The following KCTD5 variants were observed in gnomAD, a reference collection of about 807,000 sequenced individuals.
KCTD5 encodes potassium channel tetramerization domain containing 5, also known as BTB/POZ domain-containing protein KCTD5.
KCTD5 carries 12 observed loss-of-function variants against 27.9 expected under a neutral mutation model. The ratio of observed to expected loss-of-function variants is 0.43; its 90% CI spans 0.28 to 0.70. The LOEUF (loss-of-function observed/expected upper bound fraction) is 0.70, where lower values mean the gene tolerates loss of function less well. Among genes scored for constraint, KCTD5 ranks in the 30% least tolerant of loss-of-function variants. The pLI is 0.19. For synonymous variants in KCTD5, 147 were observed against 121.4 expected, an observed-to-expected ratio of 1.21 and a Z score of -1.39; for missense variants, 226 against 274.8, an observed-to-expected ratio of 0.82 and a Z score of 1.26.
At chr16:2,698,103 G>C in intron 3 of KCTD5, 106 bp downstream of exon 3, 2 of 754,858 alleles carry the variant, frequency 2.6e-6, no homozygotes, top group Non-Finnish European at 4.5e-6. Flanking sequence ...GCGGTCTGGG[G>C]CTCTCCTACC....
intron 5 of KCTD5, among the ~76,000 whole-genome samples, chr16:2,705,832 G>C (rs150934849): frequency 1.3e-5 from 2 of 152,158 alleles, no homozygotes; most frequent in African/African-American, 4.8e-5. Context: ...TGCTGCTCCC[G>C]GCCTTGGGAG....
intron 3 of KCTD5, 40 bp downstream of exon 3, chr16:2,698,037 T>C: frequency 6.8e-7 from 1 of 1,472,474 alleles, no homozygotes; most frequent in Non-Finnish European, 9.5e-7. Context: ...GTATGGCTGG[T>C]GTGAAGGAAG....
intron 1 of KCTD5, among the ~76,000 whole-genome samples, chr16:2,690,307 C>T (rs1266399209): frequency 6.6e-6 from 1 of 152,218 alleles, no homozygotes; most frequent in Non-Finnish European, 1.5e-5. Context: ...GCCAGGGTCG[C>T]CCTCTCCTCT....
chr16:2,704,383 GT>G (rs1346062981), intron 5 of KCTD5, among the ~76,000 whole-genome samples: 1 of 152,210 alleles, frequency 6.6e-6, no homozygotes, highest in Non-Finnish European at 1.5e-5. Context: ...CTGGGCAGCT[GT>G]CCCCCACTTC....
At position 2,702,364 on chromosome 16, in the gene KCTD5, C is replaced by T. The variant is rs118149302; in HGVS notation, c.561C>T (p.Ile187=). 11,046 of 1,613,460 alleles carry T rather than the reference C, an allele frequency of 6.8e-3. 51 individuals are homozygous for T. The highest frequency in any genetic ancestry group is 9.7e-3 in the Middle Eastern group (59 of 6,060). Residue 187 remains isoleucine (I), a synonymous_variant, in exon 5 of 6, where the codon ATC becomes ATT. Coordinates refer to ENST00000301738, the MANE Select transcript of KCTD5 (RefSeq NM_018992.4). ...DGWKFEQLVS[I]GSSYNYGNED... ...ATGTCTCCTTGCAGTTGGTCAGCAT[C>T]GGCTCCTCTTACAACTATGGGAACG...
intron 5 of KCTD5, among the ~76,000 whole-genome samples, chr16:2,705,679 G>C (rs888307321): frequency 6.6e-6 from 1 of 152,196 alleles, no homozygotes; most frequent in Non-Finnish European, 1.5e-5. Context: ...CTGCCTGCCT[G>C]TGGGGGTGTC....
chr16:2,689,904 C>T (rs561923629), intron 1 of KCTD5, among the ~76,000 whole-genome samples: 1 of 152,190 alleles, frequency 6.6e-6, no homozygotes, highest in South Asian at 2.1e-4. Flanking sequence ...TTGAACTCCT[C>T]ACCTCAGGTA....
chr16:2,682,777 G>C lies in KCTD5; in HGVS notation c.229G>C (p.Asp77His). 1 of 1,600,666 alleles carries C rather than the reference G, an allele frequency of 6.2e-7. No homozygotes were observed. Among genetic ancestry groups the C allele is most frequent in the Non-Finnish European group, 8.5e-7 (1 of 1,174,678 alleles). ...KSFLYRLCQA[D>H]PDLDSDKDET... ...CTTCCTGTACCGCTTATGCCAGGCC[G>C]ATCCCGACCTGGACTCAGACAAGGT... The change falls in exon 1 of 6, where the codon GAT (aspartate) becomes CAT (histidine). Residue 77 changes from aspartate to histidine, a missense_variant. Physicochemically the swap from Asp to His is moderately conservative, Grantham distance 81 (BLOSUM62 -1). This residue lies in a region of KCTD5 where 135 missense variants were observed against 207.0 expected (regional missense o/e 0.65). Coordinates refer to ENST00000301738, the MANE Select transcript of KCTD5 (RefSeq NM_018992.4).
At position 2,697,937 on chromosome 16, in the gene KCTD5, C is replaced by A; in HGVS notation, c.393C>A (p.Ile131=). The change falls in exon 3 of 6, where the codon ATC becomes ATA. Residue 131 remains isoleucine, a synonymous_variant. Coordinates refer to ENST00000301738, the MANE Select transcript of KCTD5 (RefSeq NM_018992.4). ...GVLEEAEFYN[I]TSLIKLVKDK... ...TGGAGGAAGCAGAATTTTACAATAT[C>A]ACCTCATTAATAAAACTTGTAAAGG... The A allele has an allele frequency of 1.2e-6, 2 of 1,611,052 alleles. No homozygotes were observed. The highest frequency in any genetic ancestry group is 1.7e-6 in the Non-Finnish European group (2 of 1,177,410).
chr16:2,700,028 T>C, intron 4 of KCTD5, 112 bp downstream of exon 4: 1 of 992,842 alleles, frequency 1.0e-6, no homozygotes. Context: ...GGCGTCTTCC[T>C]GCAGTTCTGG....
chr16:2,706,946 T>C, intron 5 of KCTD5, among the ~76,000 whole-genome samples: 1 of 135,540 alleles, frequency 7.4e-6, no homozygotes, highest in East Asian at 2.3e-4. Context: ...GAGACTTAAT[T>C]GGGGAGGGGG....
rs529260044 is a variant in KCTD5, at chr16:2,705,336, G to C, written c.676-1962G>C. Reference sequence around the variant, plus strand: ...AGATCCTCAGTAGCACTGTCTTGGTGGTGGGGCTGTTGCTGTGAGGCAGAT... The same window carrying C: ...AGATCCTCAGTAGCACTGTCTTGGTCGTGGGGCTGTTGCTGTGAGGCAGAT... On this transcript the variant is annotated intron_variant, in intron 5 of 5. Transcript: ENST00000301738. 7.9e-5 allele frequency among the ~76,000 whole-genome samples: 12 copies of C among 152,330 alleles called. No homozygotes were observed. The South Asian group carries it at 1.9e-3, about 24-fold the overall frequency.
intron 5 of KCTD5, among the ~76,000 whole-genome samples, chr16:2,704,713 C>T (rs1303046519): frequency 6.6e-6 from 1 of 152,208 alleles, no homozygotes; most frequent in Non-Finnish European, 1.5e-5. Flanking sequence ...TGGGTGCATC[C>T]ACCGCCTGCC....
At chr16:2,688,209 T>TTAAA (rs371152268) in intron 1 of KCTD5, among the ~76,000 whole-genome samples, 50 of 141,484 alleles carry the variant, frequency 3.5e-4, no homozygotes, top group East Asian at 7.9e-4. Context: ...GTTTTTATTA[T>TTAAA]TAAATAAATA....
At position 2,703,578 on chromosome 16, in the gene KCTD5, C is replaced by G. The variant is rs147547447; in HGVS notation, c.675+1100C>G. ...TCCCCGTGAGCCTCTCCGAGTAGGC[C>G]TTTGGAGGTATGCCCTTGGGAACAG... On this transcript the variant is annotated intron_variant, in intron 5 of 5. Transcript: ENST00000301738. Among the ~76,000 whole-genome samples, 1,212 of 152,298 alleles carry G rather than the reference C, an allele frequency of 8.0e-3. 42 individuals carry two copies. The highest frequency in any genetic ancestry group is 0.075 in the Admixed American group (1,143 of 15,302).
chr16:2,705,771 G>A (rs1437189020), intron 5 of KCTD5, among the ~76,000 whole-genome samples: 1 of 152,210 alleles, frequency 6.6e-6, no homozygotes, highest in Non-Finnish European at 1.5e-5. Flanking sequence ...TAGGGAGACA[G>A]TGTGTCCAGA....
intron 1 of KCTD5, chr16:2,684,178 C>G (rs1220086423): frequency 2.0e-5 from 3 of 152,042 alleles, no homozygotes. Context: ...CCTTGCCTTT[C>G]TACTCAAGCA....
At chr16:2,688,153 T>G (rs1437109233) in intron 1 of KCTD5, among the ~76,000 whole-genome samples, 2 of 151,474 alleles carry the variant, frequency 1.3e-5, no homozygotes, top group Admixed American at 1.3e-4. Context: ...GTCAGTGCAG[T>G]CAGGAGAGGT....
intron 1 of KCTD5, among the ~76,000 whole-genome samples, chr16:2,693,870 G>A (rs1451119507): frequency 1.3e-5 from 2 of 148,572 alleles, no homozygotes; most frequent in East Asian, 3.9e-4. Context: ...GCTTGGGGTG[G>A]CCTGGCTGTG....
Sources: allele counts gnomAD v4.1 joint callset (sites outside exome capture counted in the v4.1 genomes callset), GRCh38; gene constraint gnomAD v4.1.1; regional missense constraint gnomAD v4.1.1; transcripts MANE v1.5; gene names NCBI Gene and HGNC (gene_info 2026-07-23, HGNC 2026-07-21).